Variants in IL1RN observed in about 807,000 individuals in gnomAD.
The protein encoded by IL1RN is interleukin 1 receptor antagonist.
IL1RN carries 10 observed loss-of-function variants against 13.7 expected under a neutral mutation model. The ratio of observed to expected loss-of-function variants is 0.73; its 90% CI spans 0.45 to 1.24. IL1RN has a LOEUF of 1.24. Ranked by LOEUF, IL1RN falls within the 50% of genes most tolerant of loss-of-function variation. IL1RN has a pLI of 0.00. For synonymous variants in IL1RN, 102 were observed against 82.7 expected (o/e 1.23, Z -1.27); for missense variants, 213 against 222.1 (o/e 0.96, Z 0.26).
chr2:113,127,374 A>G, upstream of IL1RN: 1 of 776,250 alleles, frequency 1.3e-6, no homozygotes, highest in East Asian at 1.3e-4. Flanking sequence ...GGGGAAATAG[A>G]AATCTTAATT....
upstream of IL1RN, among the ~76,000 whole-genome samples, chr2:113,126,327 C>A (rs1426373995): frequency 6.6e-6 from 1 of 152,136 alleles, no homozygotes; most frequent in Non-Finnish European, 1.5e-5. Context: ...ACCTGGATTT[C>A]TCTGCATACT....
At chr2:113,115,517 G>A (rs1686574878), upstream of IL1RN, 1 of 152,066 alleles carries the variant, frequency 6.6e-6, no homozygotes, top group South Asian at 2.1e-4. Flanking sequence ...TGGCAGGTTA[G>A]TGCCAGAGCA....
upstream of IL1RN, among the ~76,000 whole-genome samples, chr2:113,110,278 C>A (rs1686473594): frequency 6.6e-6 from 1 of 152,194 alleles, no homozygotes; most frequent in African/African-American, 2.4e-5. Context: ...AAACCATTGT[C>A]ATTCTGGGGT....
chr2:113,109,555 A>G (rs952462036), upstream of IL1RN, among the ~76,000 whole-genome samples: 1 of 152,328 alleles, frequency 6.6e-6, no homozygotes, highest in Non-Finnish European at 1.5e-5. Context: ...TTTCCAGGAC[A>G]CAGTCCTAAA....
chr2:113,128,991 G>A (rs1374135188), intron 1 of IL1RN, among the ~76,000 whole-genome samples: 1 of 152,196 alleles, frequency 6.6e-6, no homozygotes. Context: ...TGGAGGAAAG[G>A]CTCTAGGGAA....
exon 1 of IL1RN, chr2:113,111,199 G>A (rs2104424069): frequency 6.6e-6 from 1 of 152,310 alleles, no homozygotes; most frequent in African/African-American, 2.4e-5. Context: ...ACAAGTAAAA[G>A]GTAGGTCAAG....
chr2:113,100,285 C>T, the IL1RN span, among the ~76,000 whole-genome samples: 1 of 149,566 alleles, frequency 6.7e-6, no homozygotes, highest in South Asian at 2.1e-4. Context: ...GAGATCGCAC[C>T]ACTGCACTCC....
At chr2:113,099,426 A>G in the IL1RN span, among the ~76,000 whole-genome samples, 3 of 152,222 alleles carry the variant, frequency 2.0e-5, no homozygotes, top group Non-Finnish European at 4.4e-5. Flanking sequence ...AACAGCAATG[A>G]GTTTACTTCC....
At chr2:113,117,324 A>G (rs1377441503), upstream of IL1RN, among the ~76,000 whole-genome samples, 1 of 152,030 alleles carries the variant, frequency 6.6e-6, no homozygotes, top group African/African-American at 2.4e-5. Flanking sequence ...TGTTCCCTCC[A>G]CCTGGAATAT....
At chr2:113,112,073 C>T (rs1038956878) in intron 1 of IL1RN, among the ~76,000 whole-genome samples, 2 of 152,202 alleles carry the variant, frequency 1.3e-5, no homozygotes, top group Non-Finnish European at 2.9e-5. Context: ...GTTGATCACC[C>T]GTTCCTGTTA....
At chr2:113,101,756 T>G in the IL1RN span, among the ~76,000 whole-genome samples, 1 of 151,976 alleles carries the variant, frequency 6.6e-6, no homozygotes, top group African/African-American at 2.4e-5. Context: ...AAGAGAGACT[T>G]TTTTATTCTT....
chr2:113,110,561 T>G (rs1321497644), upstream of IL1RN, among the ~76,000 whole-genome samples: 1 of 152,122 alleles, frequency 6.6e-6, no homozygotes, highest in Non-Finnish European at 1.5e-5. Flanking sequence ...CAATTATGAC[T>G]CCCGAGGCAT....
intron 2 of IL1RN, among the ~76,000 whole-genome samples, chr2:113,121,873 TG>T (rs1480812872): frequency 2.6e-5 from 4 of 152,246 alleles, no homozygotes; most frequent in Non-Finnish European, 4.4e-5. Flanking sequence ...TTGGCAGGAC[TG>T]GGTCAGTGAG....
chr2:113,101,524 T>A, the IL1RN span, among the ~76,000 whole-genome samples: 1 of 152,196 alleles, frequency 6.6e-6, no homozygotes, highest in Non-Finnish European at 1.5e-5. Context: ...TTACATTTCC[T>A]CTCCACTCAG....
intron 3 of IL1RN, among the ~76,000 whole-genome samples, chr2:113,132,121 T>A (rs1344787588): frequency 1.3e-5 from 2 of 152,206 alleles, no homozygotes; most frequent in African/African-American, 4.8e-5. Context: ...GGTGTGACAG[T>A]GGGACAGCCT....
chr2:113,112,412 G>A (rs906814662), intron 1 of IL1RN, among the ~76,000 whole-genome samples: 3 of 152,120 alleles, frequency 2.0e-5, no homozygotes, highest in Non-Finnish European at 4.4e-5. Context: ...CTTCCCGCCA[G>A]AATGCCACCT....
intron 1 of IL1RN, among the ~76,000 whole-genome samples, chr2:113,129,316 G>T (rs1460972324): frequency 6.6e-6 from 1 of 152,172 alleles, no homozygotes; most frequent in Non-Finnish European, 1.5e-5. Context: ...TGCCTTCCCT[G>T]GGAATCTCAG....
intron 1 of IL1RN, among the ~76,000 whole-genome samples, chr2:113,112,502 G>C (rs1480803379): frequency 6.6e-6 from 1 of 152,292 alleles, no homozygotes; most frequent in African/African-American, 2.4e-5. Context: ...AGGGATGTGA[G>C]TGTGGAGGCC....
upstream of IL1RN, among the ~76,000 whole-genome samples, chr2:113,115,269 CA>C (rs2104428796): frequency 6.6e-6 from 1 of 152,260 alleles, no homozygotes; most frequent in East Asian, 1.9e-4. Flanking sequence ...CCCAAGCTCT[CA>C]GTCTTCTCAC....
Sources: gnomAD v4.1 joint callset for allele counts (sites outside exome capture counted in the v4.1 genomes callset) on GRCh38, gnomAD v4.1.1 for gene constraint, MANE v1.5 for transcripts, NCBI Gene and HGNC (gene_info 2026-07-23, HGNC 2026-07-21) for gene names.